RNF111: variants seen among roughly 807,000 people sequenced by gnomAD.
RNF111 encodes ring finger protein 111, also known as E3 ubiquitin-protein ligase Arkadia.
In RNF111, 17 loss-of-function variants were observed where a neutral mutation model predicts 95.1. That is an observed-to-expected ratio of 0.18 (90% CI 0.12 to 0.27). RNF111 has a LOEUF of 0.27. Ranked by LOEUF, RNF111 falls within the 10% of genes least tolerant of loss-of-function variation. The pLI is 1.00. For synonymous variants in RNF111, 440 were observed against 414.8 expected (o/e 1.06, Z -0.74); for missense variants, 1,189 against 1,210.4 (o/e 0.98, Z 0.26).
intron 1 of RNF111, among the ~76,000 whole-genome samples, chr15:58,992,393 G>A (rs2038859000): frequency 6.6e-6 from 1 of 152,122 alleles, no homozygotes. Flanking sequence ...AAAATGTGGT[G>A]GAGGGAGATA....
At chr15:59,083,872 A>G (rs962711706) in intron 8 of RNF111, 1 of 185,590 alleles carries the variant, frequency 5.4e-6, no homozygotes, top group Non-Finnish European at 9.3e-6. Context: ...TAATGTTAAA[A>G]TTACTTTTTC....
At chr15:59,070,029 C>CCCTTTT (rs2042842652) in intron 6 of RNF111, among the ~76,000 whole-genome samples, 2 of 22,682 alleles carry the variant, frequency 8.8e-5, no homozygotes, top group Non-Finnish European at 1.5e-4. Flanking sequence ...CCACCTCCTG[C>CCCTTTT]TTTTTTTTTT....
Position 59,058,435 on chromosome 15 carries a change from T to C in RNF111, c.1251T>C (p.Ser417=), listed in dbSNP as rs777978099. The C allele has an allele frequency of 1.9e-6, 3 of 1,614,126 alleles. No homozygotes were observed. In the Admixed American group the frequency reaches 5.0e-5, roughly 27 times the overall value. ...TSASINNSNP[S]TSEQASDTAS... ...CTTCCATTAACAATTCAAATCCATCTACCTCTGAGCAGGCCTCTGATACTG... is the reference window on the plus strand; with the variant it reads ...CTTCCATTAACAATTCAAATCCATCCACCTCTGAGCAGGCCTCTGATACTG... The change falls in exon 5 of 14, where the codon TCT becomes TCC. Residue 417 remains serine (S), a synonymous_variant. Coordinates refer to ENST00000348370, the MANE Select transcript of RNF111 (RefSeq NM_017610.8).
intron 6 of RNF111, among the ~76,000 whole-genome samples, chr15:59,068,656 A>T (rs1326706858): frequency 6.6e-6 from 1 of 151,850 alleles, no homozygotes; most frequent in Non-Finnish European, 1.5e-5. Flanking sequence ...GTTGCCTAGG[A>T]TTACAGGCAT....
intron 11 of RNF111, 129 bp from the exon 12 acceptor site, chr15:59,090,930 T>C: frequency 1.8e-6 from 1 of 540,742 alleles, no homozygotes; most frequent in South Asian, 3.1e-5. Flanking sequence ...CATGTGTAAG[T>C]TTTTTTGAAC....
intron 6 of RNF111, among the ~76,000 whole-genome samples, chr15:59,067,518 T>G (rs2042718209): frequency 1.3e-5 from 2 of 152,170 alleles, no homozygotes; most frequent in Admixed American, 1.3e-4. Flanking sequence ...TTAATCACAT[T>G]CTTACACTCG....
intron 1 of RNF111, among the ~76,000 whole-genome samples, chr15:59,019,468 C>T (rs2040227257): frequency 6.6e-6 from 1 of 152,086 alleles, no homozygotes; most frequent in Non-Finnish European, 1.5e-5. Context: ...CTTGTTCATC[C>T]AGAAATGAGG....
At chr15:59,045,987 A>C (rs2041689924) in intron 2 of RNF111, among the ~76,000 whole-genome samples, 1 of 152,220 alleles carries the variant, frequency 6.6e-6, no homozygotes, top group African/African-American at 2.4e-5. Flanking sequence ...TGTAATCTTT[A>C]GGACTTAAAA....
chr15:59,028,350 T>A (rs2040728731), intron 1 of RNF111, among the ~76,000 whole-genome samples: 1 of 152,094 alleles, frequency 6.6e-6, no homozygotes, highest in South Asian at 2.1e-4. Context: ...CCATTCTGAG[T>A]CCCCCAGTGG....
rs1280998160 is a variant in RNF111, at chr15:59,089,649, T to C, written c.2551-18T>C. ...CTATTCTTAAAATTGATTTAGCCTA[T>C]CTCTTCTGTTGAAATAGGTTCCTGA... On this transcript the variant is annotated intron_variant, in intron 10 of 13. Transcript: ENST00000348370. The C allele has an allele frequency of 1.3e-6, 2 of 1,574,962 alleles. No homozygotes were observed. The highest frequency in any genetic ancestry group is 2.2e-5 in the East Asian group (1 of 44,660).
At chr15:58,991,068 G>T (rs887999926) in intron 1 of RNF111, among the ~76,000 whole-genome samples, 1 of 152,094 alleles carries the variant, frequency 6.6e-6, no homozygotes, top group Admixed American at 6.5e-5. Context: ...AGCCGAGGCG[G>T]GTAGATCATG....
chr15:59,064,278 G>A (rs2042560347), intron 5 of RNF111, among the ~76,000 whole-genome samples: 1 of 152,172 alleles, frequency 6.6e-6, no homozygotes, highest in South Asian at 2.1e-4. Flanking sequence ...CCTCACGCCT[G>A]TAATCCCAGC....
intron 8 of RNF111, among the ~76,000 whole-genome samples, chr15:59,081,765 C>T (rs1333377836): frequency 6.6e-6 from 1 of 150,456 alleles, no homozygotes; most frequent in African/African-American, 2.4e-5. Flanking sequence ...AGTGATTCAC[C>T]CCTATAATTC....
intron 10 of RNF111, among the ~76,000 whole-genome samples, chr15:59,089,097 G>T (rs567082660): frequency 6.6e-6 from 1 of 152,116 alleles, no homozygotes; most frequent in African/African-American, 2.4e-5. Context: ...TTTGCCACCG[G>T]TCATATCCAC....
chr15:58,990,514 G>T (rs1238927891), intron 1 of RNF111, among the ~76,000 whole-genome samples: 2 of 152,202 alleles, frequency 1.3e-5, no homozygotes, highest in African/African-American at 2.4e-5. Flanking sequence ...GCCGAGCTTA[G>T]TGGTGTGCGC....
chr15:59,042,994 C>G (rs963590407), intron 2 of RNF111, among the ~76,000 whole-genome samples: 26 of 151,900 alleles, frequency 1.7e-4, no homozygotes, highest in African/African-American at 6.3e-4. Context: ...ATTTTGAGTC[C>G]TTGTATTCCA....
At chr15:59,055,384 A>G (rs773047418) in intron 3 of RNF111, among the ~76,000 whole-genome samples, 2 of 152,190 alleles carry the variant, frequency 1.3e-5, no homozygotes, top group African/African-American at 2.4e-5. Flanking sequence ...CTATTAACAG[A>G]AAATGTAAAT....
At chr15:59,085,811 T>G in intron 10 of RNF111, 26 bp downstream of exon 10, 1 of 1,603,846 alleles carries the variant, frequency 6.2e-7, no homozygotes, top group Non-Finnish European at 8.5e-7. Context: ...TTCAAAATTT[T>G]GACATGTTCT....
intron 1 of RNF111, among the ~76,000 whole-genome samples, chr15:58,993,760 T>TTG (rs1432885976): frequency 1.3e-5 from 2 of 152,114 alleles, no homozygotes; most frequent in African/African-American, 4.8e-5. Context: ...AAAGGAGAGT[T>TTG]TGGCAGTGTG....
Sources: allele counts gnomAD v4.1 joint callset (sites outside exome capture counted in the v4.1 genomes callset), GRCh38; gene constraint gnomAD v4.1.1; transcripts MANE v1.5; gene names NCBI Gene and HGNC (gene_info 2026-07-23, HGNC 2026-07-21).